Variants in CA10 observed in about 807,000 individuals in gnomAD.
CA10 encodes carbonic anhydrase-related protein 10.
A neutral mutation model predicts 44.2 loss-of-function variants in CA10; 14 were observed. The observed-to-expected ratio is 0.32, with a 90% confidence interval of 0.21 to 0.50. The LOEUF (loss-of-function observed/expected upper bound fraction) is 0.50, where lower values mean the gene tolerates loss of function less well. Ranked by LOEUF, CA10 falls within the 20% of genes least tolerant of loss-of-function variation. The probability of loss-of-function intolerance (pLI) is 0.99; values close to 1 mark genes in which losing one functional copy is unlikely to be tolerated. For synonymous variants in CA10, 159 were observed against 141.6 expected (o/e 1.12, Z -0.87); for missense variants, 350 against 409.7 (o/e 0.85, Z 1.26).
chr17:51,650,580 T>G (rs1913529060), intron 5 of CA10, among the ~76,000 whole-genome samples: 2 of 152,188 alleles, frequency 1.3e-5, no homozygotes, highest in Non-Finnish European at 2.9e-5. Context: ...AAGTCCCAAA[T>G]TGAATACTGC....
chr17:51,784,517 C>A (rs1051660929), intron 3 of CA10, among the ~76,000 whole-genome samples: 1 of 152,182 alleles, frequency 6.6e-6, no homozygotes, highest in Non-Finnish European at 1.5e-5. Flanking sequence ...CTCTGTCTTC[C>A]GCCCCTTCCC....
intron 1 of CA10, among the ~76,000 whole-genome samples, chr17:52,092,663 C>T (rs1988298345): frequency 6.6e-6 from 1 of 152,134 alleles, no homozygotes; most frequent in Admixed American, 6.5e-5. Flanking sequence ...CCTTTCCTGC[C>T]AGCTCTCTTT....
intron 4 of CA10, among the ~76,000 whole-genome samples, chr17:51,706,822 A>C (rs1038255024): frequency 6.6e-6 from 1 of 152,160 alleles, no homozygotes; most frequent in Non-Finnish European, 1.5e-5. Flanking sequence ...TGAGGGCCGG[A>C]AACCTCTCTA....
chr17:52,024,438 G>T (rs1179596548), intron 2 of CA10, among the ~76,000 whole-genome samples: 1 of 151,886 alleles, frequency 6.6e-6, no homozygotes, highest in Admixed American at 6.6e-5. Flanking sequence ...AGAGTACTAG[G>T]GCAATGTGAC....
At chr17:51,654,648 C>A (rs192623725) in intron 4 of CA10, among the ~76,000 whole-genome samples, 47 of 152,128 alleles carry the variant, frequency 3.1e-4, no homozygotes, top group Admixed American at 1.5e-3. Context: ...CCTCCGCCTC[C>A]CAGGTTCAAG....
chr17:52,136,480 G>C (rs1598234014), intron 1 of CA10, among the ~76,000 whole-genome samples: 1 of 152,162 alleles, frequency 6.6e-6, no homozygotes, highest in South Asian at 2.1e-4. Context: ...CAAAACACTT[G>C]TGTGCTATTT....
intron 4 of CA10, among the ~76,000 whole-genome samples, chr17:51,679,601 C>T (rs1163332559): frequency 1.3e-5 from 2 of 150,892 alleles, no homozygotes; most frequent in Admixed American, 1.3e-4. Context: ...TGCTTTGTCA[C>T]CAGGCTGGAG....
chr17:51,668,514 T>C (rs756759), intron 4 of CA10, among the ~76,000 whole-genome samples: 99,719 of 152,120 alleles, frequency 0.66, 32,941 homozygotes, highest in Admixed American at 0.68. Flanking sequence ...AGACTTAAAT[T>C]CAGGTCTCTG....
intron 3 of CA10, among the ~76,000 whole-genome samples, chr17:51,832,955 A>T (rs1353185456): frequency 6.6e-6 from 1 of 152,132 alleles, no homozygotes; most frequent in Non-Finnish European, 1.5e-5. Flanking sequence ...GTATGGGTGG[A>T]GGCTTCTGAG....
intron 2 of CA10, among the ~76,000 whole-genome samples, chr17:51,959,966 G>C (rs1269657579): frequency 6.6e-6 from 1 of 151,798 alleles, no homozygotes; most frequent in Non-Finnish European, 1.5e-5. Context: ...TCCCCAAGGT[G>C]ACCCATGATG....
At chr17:51,715,960 G>T (rs1916099211) in intron 4 of CA10, among the ~76,000 whole-genome samples, 1 of 152,102 alleles carries the variant, frequency 6.6e-6, no homozygotes, top group South Asian at 2.1e-4. Flanking sequence ...AAAGTATTGG[G>T]ATTACAGGCA....
intron 1 of CA10, among the ~76,000 whole-genome samples, chr17:52,093,970 T>C (rs903204107): frequency 5.9e-5 from 9 of 152,102 alleles, no homozygotes; most frequent in African/African-American, 2.2e-4. Flanking sequence ...ATTACATCCT[T>C]AAGATGAGTT....
At chr17:51,666,605 G>T (rs778485563) in intron 4 of CA10, among the ~76,000 whole-genome samples, 1 of 152,022 alleles carries the variant, frequency 6.6e-6, no homozygotes, top group East Asian at 1.9e-4. Context: ...GCCTGCCCAG[G>T]TTCTTGGTGA....
chr17:51,726,213 T>C (rs1392834212), intron 4 of CA10, among the ~76,000 whole-genome samples: 2 of 152,194 alleles, frequency 1.3e-5, no homozygotes, highest in African/African-American at 2.4e-5. Flanking sequence ...TGATGCCTCC[T>C]TTAAGTCCAG....
At chr17:51,768,166 CTT>C (rs59128137) in intron 3 of CA10, among the ~76,000 whole-genome samples, 1,631 of 141,834 alleles carry the variant, frequency 0.011, 7 homozygotes, top group Middle Eastern at 0.018. Context: ...TAAAGATGTG[CTT>C]TTTTTTTTTT....
chr17:52,148,733 T>G (rs1457354999), intron 1 of CA10, among the ~76,000 whole-genome samples: 2 of 152,202 alleles, frequency 1.3e-5, no homozygotes, highest in African/African-American at 4.8e-5. Context: ...ATTTTCTAAA[T>G]GCCAGGCACT....
At chr17:51,964,928 A>AC (rs983822675) in intron 2 of CA10, among the ~76,000 whole-genome samples, 69 of 151,274 alleles carry the variant, frequency 4.6e-4, no homozygotes, top group African/African-American at 9.7e-4. Context: ...AGAAATTGAG[A>AC]CCCCCCCAAA....
chr17:51,871,283 G>C (rs1448515281), intron 3 of CA10, among the ~76,000 whole-genome samples: 1 of 151,242 alleles, frequency 6.6e-6, no homozygotes, highest in East Asian at 1.9e-4. Context: ...CCAGGCTGGA[G>C]TGCAATGGCA....
chr17:51,995,463 A>C (rs1223202366), intron 2 of CA10, among the ~76,000 whole-genome samples: 1 of 152,050 alleles, frequency 6.6e-6, no homozygotes, highest in Admixed American at 6.6e-5. Context: ...AAATAATTGA[A>C]ATTTGGTCAT....
Sources: gnomAD v4.1 joint callset for allele counts (sites outside exome capture counted in the v4.1 genomes callset) on GRCh38, gnomAD v4.1.1 for gene constraint, MANE v1.5 for transcripts, NCBI Gene and HGNC (gene_info 2026-07-23, HGNC 2026-07-21) for gene names.